The following LRP6 variants were observed in gnomAD, a reference collection of about 807,000 sequenced individuals.
LRP6 encodes LDL receptor related protein 6.
In LRP6, 43 loss-of-function variants were observed where a neutral mutation model predicts 184.1. That is an observed-to-expected ratio of 0.23 (90% CI 0.18 to 0.30). The LOEUF (loss-of-function observed/expected upper bound fraction) is 0.30. Ranked by LOEUF, LRP6 falls within the 10% of genes least tolerant of loss-of-function variation. The pLI is 1.00. For synonymous variants in LRP6, 719 were observed against 684.9 expected (o/e 1.05, Z -0.78); for missense variants, 1,571 against 2,005.3 (o/e 0.78, Z 4.14).
At chr12:12,263,479 A>G (rs534059845) in intron 1 of LRP6, among the ~76,000 whole-genome samples, 3 of 150,960 alleles carry the variant, frequency 2.0e-5, no homozygotes, top group Non-Finnish European at 4.4e-5. Flanking sequence ...TGAACCCGGC[A>G]GGCAGAGCTT....
intron 3 of LRP6, among the ~76,000 whole-genome samples, chr12:12,191,203 T>C (rs573429132): frequency 5.3e-5 from 8 of 152,346 alleles, no homozygotes; most frequent in African/African-American, 1.7e-4. Context: ...TCTAGCACTA[T>C]ACTTTAACCT....
chr12:12,150,844 C>G lies in LRP6; in HGVS notation c.2986G>C (p.Gly996Arg), dbSNP rs1346071971. The part of the protein sequence containing the change: ...QNMIRKAQED[G>R]SQGFTVVVSS... The stretch of plus-strand genomic sequence containing the variant: ...ACCAAGCTCTCAATTACCTGGCTGC[C>G]ATCTTCTTGTGCCTTTCGGATCATG... The change falls in exon 13 of 23, where the codon GGC becomes CGC. Residue 996 changes from glycine (G) to arginine (R), a missense_variant. This residue lies in a region of LRP6 where 763 missense variants were observed against 859.5 expected (regional missense o/e 0.89). Transcript: ENST00000261349. The G allele has an allele frequency of 1.9e-6, 3 of 1,613,624 alleles. No homozygotes were observed. Among genetic ancestry groups the G allele is most frequent in the Non-Finnish European group, 2.5e-6 (3 of 1,180,000 alleles).
chr12:12,241,136 A>C (rs1223040180), intron 2 of LRP6, among the ~76,000 whole-genome samples: 2 of 152,194 alleles, frequency 1.3e-5, no homozygotes, highest in African/African-American at 4.8e-5. Flanking sequence ...GGCTCAAACA[A>C]TACCAGTCAT....
At chr12:12,238,086 T>C (rs1864969293) in intron 2 of LRP6, among the ~76,000 whole-genome samples, 1 of 152,144 alleles carries the variant, frequency 6.6e-6, no homozygotes, top group Non-Finnish European at 1.5e-5. Flanking sequence ...TAGCTGAAAT[T>C]TCTTCATAAG....
chr12:12,138,367 T>C lies in LRP6; in HGVS notation c.3565A>G (p.Ser1189Gly). ...TKVQARIAQL[S>G]DIHAVKELNL... ...AGCTCCTTTACTGCATGAATGTCAC[T>C]AAGCTGGGCAATTCGAGCTTGGACT... Residue 1189 changes from serine to glycine, a missense_variant, in exon 16 of 23, where the codon AGT becomes GGT. Around this residue, in one of 4 missense-constraint regions of LRP6, gnomAD observed 763 missense variants for 859.5 expected, o/e 0.89. Coordinates refer to ENST00000261349, the MANE Select transcript of LRP6 (RefSeq NM_002336.3). 1 of 1,614,196 alleles carries C rather than the reference T, an allele frequency of 6.2e-7. No homozygotes were observed. Among genetic ancestry groups the C allele is most frequent in the Non-Finnish European group, 8.5e-7 (1 of 1,180,034 alleles).
intron 1 of LRP6, among the ~76,000 whole-genome samples, chr12:12,264,301 G>C (rs1865702821): frequency 6.6e-6 from 1 of 152,116 alleles, no homozygotes; most frequent in Admixed American, 6.6e-5. Flanking sequence ...CTGCAAACTA[G>C]TCAGGTATCA....
chr12:12,162,300 T>A lies in LRP6; in HGVS notation c.2172A>T (p.Thr724=). 2 of 1,614,176 alleles carry A rather than the reference T, an allele frequency of 1.2e-6. No homozygotes were observed. The highest frequency in any genetic ancestry group is 2.2e-5 in the South Asian group (2 of 91,080). ...WLGKNLYWAD[T]GTNRIEVSKL... ...TTGACACCTCAATTCGATTCGTTCC[T>A]GTGTCTGCCCAGTACAAGTTCTTCC... Residue 724 remains threonine (T), a synonymous_variant, in exon 10 of 23, where the codon ACA becomes ACT. Coordinates refer to ENST00000261349, the MANE Select transcript of LRP6 (RefSeq NM_002336.3).
At position 12,249,822 on chromosome 12, in the gene LRP6, T is replaced by G. The variant is rs114926518; in HGVS notation, c.56-5167A>C. 8.1e-3 allele frequency among the ~76,000 whole-genome samples: 1,228 copies of G among 152,272 alleles called. 24 individuals are homozygous for G. The highest frequency in any genetic ancestry group is 0.029 in the African/African-American group (1,189 of 41,526). ...ATCTCTAGTTCTGTCCCTCTAACTTTTTGTTGGCCATCTCTACCTCCCGTT... is the reference window on the plus strand; with the variant it reads ...ATCTCTAGTTCTGTCCCTCTAACTTGTTGTTGGCCATCTCTACCTCCCGTT... On this transcript the variant is annotated intron_variant, in intron 1 of 22. Coordinates refer to ENST00000261349, the MANE Select transcript of LRP6 (RefSeq NM_002336.3).
rs1218162308 is a variant in LRP6 at position 12,206,476 on chromosome 12, GA to G, written c.450-3077del. ...GAGAATGGCGTGAACCCGGGACGCG[GA>G]GCTTGCAGTGAGCGGAGATAGCGCC... On this transcript the variant is annotated intron_variant, in intron 2 of 22. Coordinates refer to ENST00000261349, the MANE Select transcript of LRP6 (RefSeq NM_002336.3). Among the ~76,000 whole-genome samples the G allele has an allele frequency of 4.0e-5, 6 of 151,618 alleles. No homozygotes were observed. The East Asian group carries it at 9.7e-4, about 25-fold the overall frequency.
rs1484089969 is a variant in LRP6, at chr12:12,121,163, T to C, written c.4805A>G (p.Tyr1602Cys). ...TGTACAGGGAGAGGGTGGCGGTGGGTAGAGGTGATGAGAATAGCTCCTCTC... is the reference window on the plus strand; with the variant it reads ...TGTACAGGGAGAGGGTGGCGGTGGGCAGAGGTGATGAGAATAGCTCCTCTC... ...YTERSYSHHL[Y>C]PPPPSPCTDS... The change falls in exon 23 of 23, where the codon TAC (tyrosine) becomes TGC (cysteine). Residue 1602 changes from tyrosine (Y) to cysteine (C), a missense_variant. This residue lies in a region of LRP6 where 763 missense variants were observed against 859.5 expected (regional missense o/e 0.89). Transcript: ENST00000261349. The C allele has an allele frequency of 6.2e-7, 1 of 1,613,320 alleles. No individual in the cohort carries two copies. The highest frequency in any genetic ancestry group is 1.3e-5 in the African/African-American group (1 of 74,842).
In LRP6 at chr12:12,257,779, C is replaced by CAAAAAAAAAAAA. The variant is rs1163180718; in HGVS notation, c.55+8890_55+8901dup. Among the ~76,000 whole-genome samples the CAAAAAAAAAAAA allele has an allele frequency of 3.7e-3, 130 of 35,308 alleles. 12 individuals carry two copies. The highest frequency in any genetic ancestry group is 5.3e-3 in the Non-Finnish European group (110 of 20,872). The allele number at this position is 35,308 out of a possible 152,430, so 23.2% of individuals were successfully genotyped here. On this transcript the variant is annotated intron_variant, in intron 1 of 22. Coordinates refer to ENST00000261349, the MANE Select transcript of LRP6 (RefSeq NM_002336.3). ...GCAACATAGTAAGACCCTGTCTCTACAAAAAAAAAAAAAAAAAAAAAAAAA... is the reference window on the plus strand; with the variant it reads ...GCAACATAGTAAGACCCTGTCTCTACAAAAAAAAAAAAAAAAAAAAAAAAAAAAAAAAAAAAA...
intron 19 of LRP6, 60 bp downstream of exon 19, chr12:12,130,723 A>T: frequency 9.6e-7 from 1 of 1,038,112 alleles, no homozygotes; most frequent in Non-Finnish European, 1.5e-6. Context: ...CTCACACATA[A>T]GAAAAAAAAT....
At chr12:12,179,455 G>A (rs1863288508) in intron 7 of LRP6, among the ~76,000 whole-genome samples, 1 of 151,890 alleles carries the variant, frequency 6.6e-6, no homozygotes. Flanking sequence ...TCCTAACTTA[G>A]GACAGCCAGT....
chr12:12,264,394 G>A (rs1865704975), intron 1 of LRP6, among the ~76,000 whole-genome samples: 1 of 152,076 alleles, frequency 6.6e-6, no homozygotes, highest in Non-Finnish European at 1.5e-5. Flanking sequence ...TGTGACACTT[G>A]GGCTTTAAAT....
intron 13 of LRP6, among the ~76,000 whole-genome samples, chr12:12,149,366 A>G (rs1950050555): frequency 6.6e-6 from 1 of 152,180 alleles, no homozygotes; most frequent in Non-Finnish European, 1.5e-5. Context: ...TGCTGCTGAA[A>G]AAAAGAGCTG....
In LRP6 at chr12:12,184,110, G is replaced by C. The variant is rs1359221013; in HGVS notation, c.846C>G (p.Ala282=). 6.2e-7 allele frequency: 1 copy of C among 1,612,844 alleles called. No homozygotes were observed. Among genetic ancestry groups the C allele is most frequent in the African/African-American group, 1.3e-5 (1 of 74,976 alleles). ...CATTGTCAATTCCACATGGATTTGTGGCTGTCAAATATAAATCACATTGAT... is the reference window on the plus strand; with the variant it reads ...CATTGTCAATTCCACATGGATTTGTCGCTGTCAAATATAAATCACATTGAT... The part of the protein sequence containing the change: ...HAFSQQRQPN[A]TNPCGIDNGG... Residue 282 remains alanine, a splice_region_variant and synonymous_variant, in exon 5 of 23, where the codon GCC becomes GCG. Coordinates refer to ENST00000261349, the MANE Select transcript of LRP6 (RefSeq NM_002336.3).
In LRP6 at chr12:12,138,171, C is replaced by CA. The variant is rs1226756234; in HGVS notation, c.3607+153dup. 6.1e-3 allele frequency among the ~76,000 whole-genome samples: 663 copies of CA among 109,136 alleles called. 4 individuals carry two copies. Among genetic ancestry groups the CA allele is most frequent in the African/African-American group, 0.018 (529 of 28,738 alleles). The allele number at this position is 109,136 out of a possible 152,430, so 71.6% of individuals were successfully genotyped here. Reference sequence around the variant, plus strand: ...GGGCGACAGAGTGAGACTCCGTCTCCAAAAAAAAAAAAGCATGGAGAGTTC... The same window carrying CA: ...GGGCGACAGAGTGAGACTCCGTCTCCAAAAAAAAAAAAAGCATGGAGAGTTC... On this transcript the variant is annotated intron_variant, in intron 16 of 22. Coordinates refer to ENST00000261349, the MANE Select transcript of LRP6 (RefSeq NM_002336.3).
intron 1 of LRP6, among the ~76,000 whole-genome samples, chr12:12,258,290 A>C (rs1865521704): frequency 6.6e-6 from 1 of 152,006 alleles, no homozygotes. Context: ...ATAATTTTTT[A>C]ATTTTTTATA....
chr12:12,178,851 C>T (rs537516159), intron 7 of LRP6, among the ~76,000 whole-genome samples: 22 of 152,136 alleles, frequency 1.4e-4, no homozygotes, highest in Non-Finnish European at 2.8e-4. Context: ...TCCAAGTTTC[C>T]ATTTTGGAAG....
Sources: gnomAD v4.1 joint callset for allele counts (sites outside exome capture counted in the v4.1 genomes callset) on GRCh38, gnomAD v4.1.1 for gene constraint, gnomAD v4.1.1 regional missense constraint, MANE v1.5 for transcripts, NCBI Gene and HGNC (gene_info 2026-07-23, HGNC 2026-07-21) for gene names.